STIL: variants seen among roughly 807,000 people sequenced by gnomAD.
STIL encodes the protein SCL-interrupting locus protein.
In STIL, 55 loss-of-function variants were observed where a neutral mutation model predicts 110.1. That is an observed-to-expected ratio of 0.50 (90% CI 0.40 to 0.63). The LOEUF (loss-of-function observed/expected upper bound fraction) is 0.63, where lower values mean the gene tolerates loss of function less well. Ranked by LOEUF, STIL falls within the 20% of genes least tolerant of loss-of-function variation. STIL has a pLI of 0.00. For synonymous variants in STIL, 481 were observed against 530.0 expected, an observed-to-expected ratio of 0.91 and a Z score of 1.27; for missense variants, 1,358 against 1,530.0, an observed-to-expected ratio of 0.89 and a Z score of 1.87.
At chr1:47,281,585 T>C (rs1038495274) in intron 11 of STIL, among the ~76,000 whole-genome samples, 1 of 152,148 alleles carries the variant, frequency 6.6e-6, no homozygotes, top group African/African-American at 2.4e-5. Flanking sequence ...GCAGAATGTT[T>C]TCACAGATCT....
intron 10 of STIL, chr1:47,283,576 G>A (rs1367635729): frequency 6.6e-6 from 1 of 152,182 alleles, no homozygotes; most frequent in Non-Finnish European, 1.5e-5. Flanking sequence ...AAACACCTCA[G>A]CAGATTGTAG....
At chr1:47,253,270 C>G (rs1051805890) in intron 16 of STIL, among the ~76,000 whole-genome samples, 1 of 152,290 alleles carries the variant, frequency 6.6e-6, no homozygotes, top group East Asian at 1.9e-4. Flanking sequence ...CATTCCCTTT[C>G]CCCTACTTTT....
rs11211487 is a variant in STIL at position 47,250,559 on chromosome 1, C to A, written c.*577G>T. 1.3e-5 allele frequency: 2 copies of A among 159,488 alleles called. No homozygotes were observed. The highest frequency in any genetic ancestry group is 4.8e-5 in the African/African-American group (2 of 41,578). The allele number at this position is 159,488 out of a possible 1,614,324, so 9.9% of individuals were successfully genotyped here. ...GTATAGCTGGGCGCAGTGGCTCACG[C>A]CTGTAATCCCAGCACTTTAGGAGGC... On this transcript the variant is annotated 3_prime_UTR_variant, in exon 17 of 17. Transcript: ENST00000371877.
At position 47,251,322 on chromosome 1, in the gene STIL, A is replaced by C; in HGVS notation, c.3681T>G (p.Pro1227=). Residue 1227 remains proline (P), a synonymous_variant, in exon 17 of 17, where the codon CCT becomes CCG. Transcript: ENST00000371877. ...CTTTCCCGGTTCGAAGGTTCACTGC[A>C]GGACTTGGTTTAAGGTTCTTTACTA... The part of the protein sequence containing the change: ...AFLVKNLKPS[P]AVNLRTGKAE... The C allele has an allele frequency of 6.2e-7, 1 of 1,614,220 alleles. No individual in the cohort carries two copies. The highest frequency in any genetic ancestry group is 2.2e-5 in the East Asian group (1 of 44,888).
At chr1:47,257,074 C>G (rs559318596) in intron 16 of STIL, among the ~76,000 whole-genome samples, 5 of 151,818 alleles carry the variant, frequency 3.3e-5, no homozygotes, top group Middle Eastern at 3.4e-3. Flanking sequence ...TTTTGGCAAG[C>G]AGAAAGGTAA....
intron 12 of STIL, among the ~76,000 whole-genome samples, chr1:47,277,833 GAAC>G (rs1195841926): frequency 1.3e-5 from 2 of 151,168 alleles, no homozygotes; most frequent in Non-Finnish European, 2.9e-5. Flanking sequence ...CCATACATGT[GAAC>G]AACTGAAAAA....
Position 47,309,172 on chromosome 1 carries a change from G to A in STIL, c.44+1104C>T, listed in dbSNP as rs142657697. Among the ~76,000 whole-genome samples, 81 of 152,204 alleles carry A rather than the reference G, an allele frequency of 5.3e-4. 2 individuals carry two copies. The East Asian group carries it at 0.013, about 25-fold the overall frequency. On this transcript the variant is annotated intron_variant, in intron 2 of 16. Coordinates refer to ENST00000371877, the MANE Select transcript of STIL (RefSeq NM_001048166.1). ...CATATGTGATTATTACACATTGCAT[G>A]CCTTATAAAAATATGTCATATACCC...
At chr1:47,306,331 A>G (rs1282956065) in intron 2 of STIL, among the ~76,000 whole-genome samples, 1 of 149,714 alleles carries the variant, frequency 6.7e-6, no homozygotes, top group African/African-American at 2.5e-5. Context: ...CAGGGGCTCA[A>G]TCATACCTCA....
chr1:47,304,930 C>G lies in STIL; in HGVS notation c.111G>C (p.Thr37=), dbSNP rs777971224. The G allele has an allele frequency of 1.2e-6, 2 of 1,613,730 alleles. No homozygotes were observed. Among genetic ancestry groups the G allele is most frequent in the Non-Finnish European group, 1.7e-6 (2 of 1,179,910 alleles). ...PPSKCALWNP[T]PTGDFIYLHL... ...GTAAGTAGATGAAATCTCCAGTTGGCGTTGGGTTCCAAAGTGCACATTTTG... is the reference window on the plus strand; with the variant it reads ...GTAAGTAGATGAAATCTCCAGTTGGGGTTGGGTTCCAAAGTGCACATTTTG... The change falls in exon 3 of 17, where the codon ACG becomes ACC. Residue 37 remains threonine, a synonymous_variant. Transcript: ENST00000371877.
chr1:47,292,449 A>G (rs1645522519), intron 8 of STIL, among the ~76,000 whole-genome samples: 1 of 152,198 alleles, frequency 6.6e-6, no homozygotes, highest in Non-Finnish European at 1.5e-5. Flanking sequence ...GCACACAAAG[A>G]TGTATGCATA....
chr1:47,276,249 G>A (rs12732410), intron 12 of STIL, among the ~76,000 whole-genome samples: 57,964 of 151,542 alleles, frequency 0.38, 13,895 homozygotes, highest in Non-Finnish European at 0.51. Context: ...TGATCCAGCC[G>A]CCTAGGTCTC....
At chr1:47,262,364 G>C (rs1644510654) in intron 15 of STIL, among the ~76,000 whole-genome samples, 1 of 152,040 alleles carries the variant, frequency 6.6e-6, no homozygotes, top group Admixed American at 6.6e-5. Flanking sequence ...CCTTTATTCT[G>C]TGTTCTCTTT....
chr1:47,259,383 C>T (rs560397327), intron 16 of STIL, among the ~76,000 whole-genome samples: 9 of 148,276 alleles, frequency 6.1e-5, no homozygotes, highest in South Asian at 2.2e-4. Context: ...TCTGCCTCCC[C>T]GGGTTCAGGC....
intron 6 of STIL, 50 bp downstream of exon 6, chr1:47,299,855 G>GA (rs1414427323): frequency 6.4e-7 from 1 of 1,571,780 alleles, no homozygotes; most frequent in Non-Finnish European, 8.7e-7. Flanking sequence ...TGGACATTCT[G>GA]AAAATATACT....
At chr1:47,302,163 C>G in intron 4 of STIL, 71 bp downstream of exon 4, 2 of 1,116,574 alleles carry the variant, frequency 1.8e-6, no homozygotes, top group Non-Finnish European at 2.7e-6. Flanking sequence ...TCAAGTGATC[C>G]TCCCACTCCA....
In STIL at chr1:47,301,684, T is replaced by C. The variant is rs1645808749; in HGVS notation, c.330A>G (p.Leu110=). 5.0e-6 allele frequency: 8 copies of C among 1,614,102 alleles called. No homozygotes were observed. The highest frequency in any genetic ancestry group is 3.3e-5 in the South Asian group (3 of 91,084). ...FDPGREVPEC[L]EITPTASLPG... ...GAAGAGAAGCAGTAGGGGTTATTTC[T>C]AGGCATTCAGGTACTTCTCGACCAG... is the stretch of plus-strand genomic sequence containing the variant. Residue 110 remains leucine (L), a synonymous_variant, in exon 5 of 17, where the codon CTA becomes CTG. Coordinates refer to ENST00000371877, the MANE Select transcript of STIL (RefSeq NM_001048166.1).
chr1:47,300,757 T>C (rs2149190254), intron 5 of STIL, among the ~76,000 whole-genome samples: 1 of 152,338 alleles, frequency 6.6e-6, no homozygotes, highest in Non-Finnish European at 1.5e-5. Context: ...CCACCGTGCC[T>C]GGCCTCATAA....
chr1:47,300,851 C>T (rs1645784185), intron 5 of STIL, among the ~76,000 whole-genome samples: 1 of 152,158 alleles, frequency 6.6e-6, no homozygotes, highest in South Asian at 2.1e-4. Flanking sequence ...CAAGTTAGTT[C>T]TCCCTCTGTA....
intron 4 of STIL, 32 bp downstream of exon 4, chr1:47,302,202 T>TGA: frequency 6.6e-7 from 1 of 1,513,394 alleles, no homozygotes; most frequent in Non-Finnish European, 9.2e-7. Flanking sequence ...ATTACAGGCG[T>TGA]GAGCACTGGT....
Sources: gnomAD v4.1 joint callset for allele counts (sites outside exome capture counted in the v4.1 genomes callset) on GRCh38, gnomAD v4.1.1 for gene constraint, MANE v1.5 for transcripts, NCBI Gene and HGNC (gene_info 2026-07-23, HGNC 2026-07-21) for gene names.